Variants in C11orf65 observed in about 807,000 individuals in gnomAD.
The protein encoded by C11orf65 is protein MFI.
C11orf65 carries 38 observed loss-of-function variants against 35.3 expected under a neutral mutation model. The ratio of observed to expected loss-of-function variants is 1.08; its 90% confidence interval spans 0.83 to 1.41. The LOEUF is 1.41. Ranked by LOEUF, C11orf65 falls within the 40% of genes most tolerant of loss-of-function variation. The pLI, the probability that C11orf65 is intolerant of heterozygous loss-of-function variation, is 0.00. For synonymous variants in C11orf65, 105 were observed against 114.4 expected (o/e 0.92, Z 0.53); for missense variants, 370 against 367.1 (o/e 1.01, Z -0.06).
chr11:108,359,320 G>A (rs1023612703), intron 2 of C11orf65, among the ~76,000 whole-genome samples: 81 of 151,956 alleles, frequency 5.3e-4, no homozygotes, highest in Admixed American at 1.6e-3. Flanking sequence ...CCTACAAAGA[G>A]ACTTAGAATC....
chr11:108,428,093 T>C, intron 3 of C11orf65, among the ~76,000 whole-genome samples: 1 of 151,618 alleles, frequency 6.6e-6, no homozygotes, highest in Non-Finnish European at 1.5e-5. Flanking sequence ...CCTCCCAAAG[T>C]GCTGGGATTA....
chr11:108,456,180 T>C (rs1200556755), intron 2 of C11orf65, among the ~76,000 whole-genome samples: 1 of 151,982 alleles, frequency 6.6e-6, no homozygotes, highest in Non-Finnish European at 1.5e-5. Context: ...TATACACAAA[T>C]AGACCAATGC....
At chr11:108,324,674 T>C (rs955454832) in intron 6 of C11orf65, among the ~76,000 whole-genome samples, 2 of 152,244 alleles carry the variant, frequency 1.3e-5, no homozygotes, top group Admixed American at 6.5e-5. Flanking sequence ...TTACTCTCCC[T>C]GCTTCCTCTT....
At chr11:108,334,961 T>A (rs1189310621) in intron 3 of C11orf65, 1 of 1,610,914 alleles carries the variant, frequency 6.2e-7, no homozygotes, top group East Asian at 2.2e-5. Flanking sequence ...TGTTTATACT[T>A]TTATTAGGTG....
chr11:108,350,295 A>G (rs2089025484), intron 2 of C11orf65, among the ~76,000 whole-genome samples: 1 of 152,196 alleles, frequency 6.6e-6, no homozygotes, highest in Admixed American at 6.5e-5. Context: ...TGAAGCACTG[A>G]TGAGAGTAAT....
intron 3 of C11orf65, among the ~76,000 whole-genome samples, chr11:108,420,477 C>T (rs1820356021): frequency 6.6e-6 from 1 of 152,168 alleles, no homozygotes; most frequent in South Asian, 2.1e-4. Context: ...CCACCACATT[C>T]TGCTCAGTCA....
intron 2 of C11orf65, among the ~76,000 whole-genome samples, chr11:108,447,371 C>T (rs570845387): frequency 6.6e-6 from 1 of 151,786 alleles, no homozygotes; most frequent in African/African-American, 2.4e-5. Context: ...CAAAATTGAC[C>T]ACATAGTTGG....
chr11:108,420,475 T>C (rs1187780014), intron 3 of C11orf65, among the ~76,000 whole-genome samples: 1 of 152,148 alleles, frequency 6.6e-6, no homozygotes, highest in Non-Finnish European at 1.5e-5. Context: ...ACCCACCACA[T>C]TCTGCTCAGT....
intron 2 of C11orf65, among the ~76,000 whole-genome samples, chr11:108,361,385 C>T (rs939743482): frequency 6.6e-6 from 1 of 151,430 alleles, no homozygotes; most frequent in African/African-American, 2.4e-5. Context: ...AGGTAATTTA[C>T]AGATTCAATG....
At position 108,345,879 on chromosome 11, in the gene C11orf65, A is replaced by C; in HGVS notation, c.227-10587T>G. On this transcript the variant is annotated intron_variant, in intron 2 of 3. Coordinates refer to the C11orf65 transcript ENST00000524755. ...ATTTGGTTTGAGAAGCGATTGGCTT[A>C]TACGCGCAGTGTAGCTACTTCTTCT... 6.2e-7 allele frequency: 1 copy of C among 1,613,854 alleles called. No individual in the cohort carries two copies. Among genetic ancestry groups the C allele is most frequent in the Non-Finnish European group, 8.5e-7 (1 of 1,179,820 alleles).
chr11:108,371,696 A>G (rs997725667), intron 2 of C11orf65, among the ~76,000 whole-genome samples: 1 of 152,166 alleles, frequency 6.6e-6, no homozygotes, highest in Non-Finnish European at 1.5e-5. Context: ...TATTGTCACT[A>G]TTTACATGGG....
intron 3 of C11orf65, among the ~76,000 whole-genome samples, chr11:108,420,803 T>TG (rs1342713425): frequency 1.3e-5 from 2 of 152,116 alleles, no homozygotes; most frequent in Non-Finnish European, 2.9e-5. Flanking sequence ...TTTGTAGAGA[T>TG]GGGGTCTCAC....
intron 2 of C11orf65, among the ~76,000 whole-genome samples, chr11:108,351,158 A>T (rs962777512): frequency 6.6e-6 from 1 of 152,214 alleles, no homozygotes; most frequent in South Asian, 2.1e-4. Flanking sequence ...AAAAGAGTAC[A>T]CATGTATAAT....
At chr11:108,315,354 G>A (rs1406977981) in intron 6 of C11orf65, among the ~76,000 whole-genome samples, 1 of 152,148 alleles carries the variant, frequency 6.6e-6, no homozygotes, top group African/African-American at 2.4e-5. Flanking sequence ...ATAATGCTGT[G>A]TACAGTGTGT....
chr11:108,363,695 T>A (rs2091044165), intron 2 of C11orf65, among the ~76,000 whole-genome samples: 1 of 152,238 alleles, frequency 6.6e-6, no homozygotes, highest in Non-Finnish European at 1.5e-5. Flanking sequence ...TCTAGCTTAA[T>A]CAGTCTGTAT....
intron 8 of C11orf65, among the ~76,000 whole-genome samples, chr11:108,385,459 G>T (rs2091969397): frequency 6.6e-6 from 1 of 152,086 alleles, no homozygotes; most frequent in African/African-American, 2.4e-5. Context: ...GAGGTAGTTG[G>T]ATCACAAGGT....
chr11:108,355,037 C>A, intron 2 of C11orf65: 1 of 636,754 alleles, frequency 1.6e-6, no homozygotes, highest in Non-Finnish European at 2.8e-6. Context: ...TTTCACACAT[C>A]CAAAAATACT....
chr11:108,356,040 TTC>T (rs1384486168), intron 2 of C11orf65: 1 of 152,244 alleles, frequency 6.6e-6, no homozygotes, highest in Non-Finnish European at 1.5e-5. Flanking sequence ...TAAAAATACA[TTC>T]TTTTTTCTTT....
chr11:108,450,283 G>A (rs11518206), intron 2 of C11orf65, among the ~76,000 whole-genome samples: 17,145 of 151,888 alleles, frequency 0.11, 1,337 homozygotes, highest in Non-Finnish European at 0.15. Flanking sequence ...CCATTACTGG[G>A]TATACACCCA....
Sources: allele counts gnomAD v4.1 joint callset (sites outside exome capture counted in the v4.1 genomes callset), GRCh38; gene constraint gnomAD v4.1.1; transcripts MANE v1.5; gene names NCBI Gene and HGNC (gene_info 2026-07-23, HGNC 2026-07-21).